ARL14EPL: variants seen among roughly 807,000 people sequenced by gnomAD.
ARL14EPL encodes the protein ARF like GTPase 14 effector protein like.
A neutral mutation model predicts 15.9 loss-of-function variants in ARL14EPL; 17 were observed. The ratio of observed to expected loss-of-function variants is 1.07; its 90% CI spans 0.73 to 1.60. The LOEUF (loss-of-function observed/expected upper bound fraction) is 1.60, where lower values mean the gene tolerates loss of function less well. Ranked by LOEUF, ARL14EPL falls within the 40% of genes most tolerant of loss-of-function variation. The pLI, the probability that ARL14EPL is intolerant of heterozygous loss-of-function variation, is 0.00. For synonymous variants in ARL14EPL, 78 were observed against 63.8 expected, an observed-to-expected ratio of 1.22 and a Z score of -1.06; for missense variants, 214 against 185.9, an observed-to-expected ratio of 1.15 and a Z score of -0.88.
At chr5:116,041,366 G>A (rs1462528848) in intron 1 of ARL14EPL, among the ~76,000 whole-genome samples, 1 of 152,172 alleles carries the variant, frequency 6.6e-6, no homozygotes, top group African/African-American at 2.4e-5. Flanking sequence ...AGGCATGCCA[G>A]TTCTACAAGG....
intron 1 of ARL14EPL, among the ~76,000 whole-genome samples, chr5:116,040,448 C>CG (rs1554077636): frequency 2.6e-5 from 4 of 151,128 alleles, no homozygotes; most frequent in Non-Finnish European, 5.9e-5. Flanking sequence ...TAAAGAGTGA[C>CG]GGGAAGGCAT....
At chr5:116,050,132 G>A (rs1275213414) in intron 1 of ARL14EPL, among the ~76,000 whole-genome samples, 1 of 152,182 alleles carries the variant, frequency 6.6e-6, no homozygotes, top group Non-Finnish European at 1.5e-5. Context: ...ATTTTTAAAA[G>A]AATGTGAATA....
At chr5:116,035,898 G>A (rs139597398) in intron 1 of ARL14EPL, among the ~76,000 whole-genome samples, 1 of 152,328 alleles carries the variant, frequency 6.6e-6, no homozygotes, top group East Asian at 1.9e-4. Context: ...ACTGCCGGAA[G>A]GAAAAACCAT....
chr5:116,050,826 C>G (rs867335747), intron 1 of ARL14EPL, among the ~76,000 whole-genome samples: 3 of 75,816 alleles, frequency 4.0e-5, no homozygotes, highest in East Asian at 5.6e-4. Context: ...TACACACACA[C>G]ATGCACACAC....
intron 1 of ARL14EPL, among the ~76,000 whole-genome samples, chr5:116,034,314 C>T (rs1025249770): frequency 5.9e-5 from 9 of 152,088 alleles, no homozygotes; most frequent in South Asian, 4.1e-4. Flanking sequence ...GAGAATGCCC[C>T]GTAACAGAGA....
Position 116,059,291 on chromosome 5 carries a change from G to C in ARL14EPL, c.*344G>C, listed in dbSNP as rs1749593776. ...GCTTTAAGATTTTCAAAACTCTGTA[G>C]TTGAGAGCTTTTCTTACATAGAACA... On this transcript the variant is annotated 3_prime_UTR_variant, in exon 4 of 4. Transcript: ENST00000686077. 1 of 234,904 alleles carries C rather than the reference G, an allele frequency of 4.3e-6. No homozygotes were observed. The highest frequency in any genetic ancestry group is 2.3e-5 in the African/African-American group (1 of 44,120). 14.6% of individuals were successfully genotyped at this position (234,904 alleles called of 1,614,324 possible). A position where few individuals can be genotyped will look rare whatever the true frequency, so the allele number is the denominator to read the frequency against.
intron 1 of ARL14EPL, among the ~76,000 whole-genome samples, chr5:116,040,740 A>C (rs577132291): frequency 2.0e-5 from 3 of 151,216 alleles, no homozygotes; most frequent in Admixed American, 6.6e-5. Flanking sequence ...TTGGGAGGCC[A>C]AGGTGGGCGG....
intron 1 of ARL14EPL, among the ~76,000 whole-genome samples, chr5:116,033,046 G>T (rs960726180): frequency 1.3e-5 from 2 of 152,102 alleles, no homozygotes; most frequent in African/African-American, 2.4e-5. Context: ...TGATCCACCT[G>T]CCTCAGCCTG....
At chr5:116,057,086 T>A (rs2662475) in intron 3 of ARL14EPL, among the ~76,000 whole-genome samples, 2 of 151,526 alleles carry the variant, frequency 1.3e-5, no homozygotes, top group African/African-American at 2.4e-5. Context: ...CATGATCAAG[T>A]GGGCTTCATC....
At chr5:116,054,527 C>T (rs1227149097) in intron 3 of ARL14EPL, among the ~76,000 whole-genome samples, 1 of 152,106 alleles carries the variant, frequency 6.6e-6, no homozygotes, top group Admixed American at 6.6e-5. Flanking sequence ...GTTAGTGCAT[C>T]GTAAGTATAA....
chr5:116,054,691 C>T (rs1021858471), intron 3 of ARL14EPL, among the ~76,000 whole-genome samples: 3 of 151,892 alleles, frequency 2.0e-5, no homozygotes, highest in Admixed American at 6.6e-5. Flanking sequence ...ATTAGCTGGG[C>T]GTGGTGGCAC....
chr5:116,037,031 AG>A (rs1415063632), intron 1 of ARL14EPL, among the ~76,000 whole-genome samples: 1 of 151,926 alleles, frequency 6.6e-6, no homozygotes, highest in Non-Finnish European at 1.5e-5. Flanking sequence ...CCACTGCATT[AG>A]GGGTTTTCTC....
chr5:116,032,924 A>G (rs1748985259), intron 1 of ARL14EPL, among the ~76,000 whole-genome samples: 1 of 152,080 alleles, frequency 6.6e-6, no homozygotes, highest in South Asian at 2.1e-4. Context: ...CAGCCTCCTG[A>G]GTAGCTGGGA....
intron 1 of ARL14EPL, among the ~76,000 whole-genome samples, chr5:116,033,095 G>A (rs1479056927): frequency 1.3e-5 from 2 of 152,044 alleles, no homozygotes; most frequent in African/African-American, 2.4e-5. Flanking sequence ...CCCCACACCC[G>A]GCCTATAGCT....
At position 116,038,745 on chromosome 5, in the gene ARL14EPL, T is replaced by G. The variant is rs112300810; in HGVS notation, c.-10+6240T>G. ...TGAAAAAGATGAAAATTCAATGCAC[T>G]GAGGAAATAGAGCACATTCTGAAAA... On this transcript the variant is annotated intron_variant, in intron 1 of 3. Coordinates refer to ENST00000686077, the MANE Select transcript of ARL14EPL (RefSeq NM_001195581.2). Among the ~76,000 whole-genome samples, 556 of 152,186 alleles carry G rather than the reference T, an allele frequency of 3.7e-3. 2 individuals carry two copies. Among genetic ancestry groups the G allele is most frequent in the African/African-American group, 9.5e-3 (395 of 41,518 alleles).
intron 3 of ARL14EPL, among the ~76,000 whole-genome samples, chr5:116,055,589 A>G (rs1035317580): frequency 2.6e-5 from 4 of 152,028 alleles, no homozygotes; most frequent in Non-Finnish European, 5.9e-5. Context: ...GGATACCTAC[A>G]TATGTGTCAT....
chr5:116,051,141 A>G (rs1386666163), intron 1 of ARL14EPL: 1 of 216,546 alleles, frequency 4.6e-6, no homozygotes. Flanking sequence ...GAGTGTGTGT[A>G]AAGAAGGAAG....
At chr5:116,054,522 T>C (rs1047311051) in intron 3 of ARL14EPL, among the ~76,000 whole-genome samples, 5 of 152,184 alleles carry the variant, frequency 3.3e-5, no homozygotes, top group Admixed American at 6.5e-5. Flanking sequence ...TGATTGTTAG[T>C]GCATCGTAAG....
At chr5:116,056,800 A>C (rs1364805767) in intron 3 of ARL14EPL, among the ~76,000 whole-genome samples, 1 of 152,166 alleles carries the variant, frequency 6.6e-6, no homozygotes, top group Non-Finnish European at 1.5e-5. Flanking sequence ...TTAAGTCTTT[A>C]ATCCATCTTG....
Sources: gnomAD v4.1 joint callset for allele counts (sites outside exome capture counted in the v4.1 genomes callset) on GRCh38, gnomAD v4.1.1 for gene constraint, MANE v1.5 for transcripts, NCBI Gene and HGNC (gene_info 2026-07-23, HGNC 2026-07-21) for gene names.